Variants in ZNF423 observed in about 807,000 individuals in gnomAD.
The protein encoded by ZNF423 is Ebf-associated zinc finger protein.
Under a neutral mutation model 95.8 loss-of-function variants are expected in ZNF423, and 12 were observed. The ratio of observed to expected loss-of-function variants is 0.13; its 90% CI spans 0.08 to 0.20. The LOEUF is 0.20. Among genes scored for constraint, ZNF423 ranks in the 10% least tolerant of loss-of-function variants. The pLI, the probability that ZNF423 is intolerant of heterozygous loss-of-function variation, is 1.00. For missense variants in ZNF423, 1,316 were observed against 1,737.1 expected (o/e 0.76, Z 4.31); for synonymous variants, 749 against 711.9 (o/e 1.05, Z -0.83).
At chr16:49,738,920 G>A (rs1051582810) in intron 2 of ZNF423, among the ~76,000 whole-genome samples, 3 of 152,084 alleles carry the variant, frequency 2.0e-5, no homozygotes, top group East Asian at 1.9e-4. Flanking sequence ...TCGGGACACT[G>A]GGGTAGAGGA....
chr16:49,492,138 G>C lies in ZNF423; in HGVS notation c.3850-834C>G, dbSNP rs1011526330. Reference sequence around the variant, plus strand: ...CAGGAGCCAGCGGCCTGGGACTGGGGGTGGGATTTGGCATCTGAAAGCCGT... The same window carrying C: ...CAGGAGCCAGCGGCCTGGGACTGGGCGTGGGATTTGGCATCTGAAAGCCGT... On this transcript the variant is annotated intron_variant, in intron 7 of 7. Coordinates refer to ENST00000563137, the MANE Select transcript of ZNF423 (RefSeq NM_001379286.1). This position sits in a 1 kb window ranked among gnomAD's most constrained non-coding sequence, Gnocchi z 4.2. Among the ~76,000 whole-genome samples the C allele has an allele frequency of 5.9e-5, 9 of 152,228 alleles. No homozygotes were observed. Among genetic ancestry groups the C allele is most frequent in the African/African-American group, 2.2e-4 (9 of 41,470 alleles).
At chr16:49,528,135 CG>C (rs1567445567) in intron 5 of ZNF423, among the ~76,000 whole-genome samples, 1 of 152,116 alleles carries the variant, frequency 6.6e-6, no homozygotes, top group African/African-American at 2.4e-5. Context: ...CTCTGCCGAG[CG>C]GGGGCCTTTA....
At chr16:49,537,682 G>A (rs567816061) in intron 5 of ZNF423, among the ~76,000 whole-genome samples, 2 of 152,124 alleles carry the variant, frequency 1.3e-5, no homozygotes, top group African/African-American at 2.4e-5. Context: ...CTGAGGTCAC[G>A]TCTTCCTCTC....
chr16:49,644,248 A>C (rs1447671123), intron 3 of ZNF423, among the ~76,000 whole-genome samples: 1 of 152,136 alleles, frequency 6.6e-6, no homozygotes. Flanking sequence ...GAGGCCCTAA[A>C]AAGAACACTA....
At chr16:49,620,533 GC>G (rs1449854135) in intron 5 of ZNF423, among the ~76,000 whole-genome samples, 1 of 152,156 alleles carries the variant, frequency 6.6e-6, no homozygotes, top group Non-Finnish European at 1.5e-5. Flanking sequence ...ACCGGGACAG[GC>G]CTGGCTCTGG....
chr16:49,692,486 G>A (rs547712971), intron 3 of ZNF423, among the ~76,000 whole-genome samples: 9 of 151,878 alleles, frequency 5.9e-5, no homozygotes, highest in South Asian at 2.1e-4. Flanking sequence ...AAGTCCGATC[G>A]GTGTTGGACC....
intron 2 of ZNF423, among the ~76,000 whole-genome samples, chr16:49,783,745 G>C (rs1359961121): frequency 2.0e-5 from 3 of 152,148 alleles, no homozygotes; most frequent in South Asian, 2.1e-4. Context: ...GCTGACGCTT[G>C]CAGATCACAA....
chr16:49,510,007 A>G (rs916943942), intron 7 of ZNF423, among the ~76,000 whole-genome samples: 1 of 152,144 alleles, frequency 6.6e-6, no homozygotes, highest in Non-Finnish European at 1.5e-5. Flanking sequence ...GCCTCTTACC[A>G]CCAGGGTTGC....
At chr16:49,701,402 C>G (rs183696421) in intron 3 of ZNF423, among the ~76,000 whole-genome samples, 1 of 151,970 alleles carries the variant, frequency 6.6e-6, no homozygotes, top group Non-Finnish European at 1.5e-5. Flanking sequence ...GAAACCAGTT[C>G]GCACGGGAGA....
intron 7 of ZNF423, among the ~76,000 whole-genome samples, chr16:49,523,135 A>C (rs1968465430): frequency 6.6e-6 from 1 of 152,006 alleles, no homozygotes; most frequent in Non-Finnish European, 1.5e-5. Context: ...CAGTCTCAGG[A>C]CCTCTGGTGA....
chr16:49,734,001 G>A (rs1053458301), intron 2 of ZNF423, among the ~76,000 whole-genome samples: 6 of 151,804 alleles, frequency 4.0e-5, no homozygotes, highest in African/African-American at 1.2e-4. Context: ...TGCCAGGATC[G>A]AATCTACACG....
At chr16:49,726,281 T>A (rs988189770) in intron 3 of ZNF423, among the ~76,000 whole-genome samples, 6 of 151,994 alleles carry the variant, frequency 3.9e-5, no homozygotes, top group Admixed American at 6.6e-5. Flanking sequence ...AATTGCAGTA[T>A]CTCTAAAAGG....
intron 3 of ZNF423, among the ~76,000 whole-genome samples, chr16:49,645,951 A>G (rs367798454): frequency 2.6e-5 from 4 of 152,224 alleles, no homozygotes; most frequent in African/African-American, 9.6e-5. Flanking sequence ...CTTCCCAGCC[A>G]TGCACAACTG....
At chr16:49,528,995 C>T (rs541969071) in intron 5 of ZNF423, among the ~76,000 whole-genome samples, 80 of 152,080 alleles carry the variant, frequency 5.3e-4, no homozygotes, top group Non-Finnish European at 9.1e-4. Flanking sequence ...TATATAAGAT[C>T]GCACAGTGCT....
intron 2 of ZNF423, among the ~76,000 whole-genome samples, chr16:49,749,992 G>T (rs1283825483): frequency 2.0e-5 from 3 of 152,220 alleles, no homozygotes; most frequent in Non-Finnish European, 4.4e-5. Context: ...CGTGCAGATG[G>T]AAAGGGCCAT....
At chr16:49,747,885 A>T (rs1226917436) in intron 2 of ZNF423, among the ~76,000 whole-genome samples, 1 of 152,236 alleles carries the variant, frequency 6.6e-6, no homozygotes, top group Non-Finnish European at 1.5e-5. Context: ...CTATTGCCCC[A>T]GCCCTGTGCT....
intron 2 of ZNF423, among the ~76,000 whole-genome samples, chr16:49,765,531 T>C (rs1199899262): frequency 7.6e-6 from 1 of 130,986 alleles, no homozygotes; most frequent in Non-Finnish European, 1.6e-5. Flanking sequence ...GGCAACATAG[T>C]GAGACCTCAT....
chr16:49,626,377 C>T, intron 4 of ZNF423, 123 bp from the exon 5 acceptor site: 1 of 773,630 alleles, frequency 1.3e-6, no homozygotes. Flanking sequence ...TCCTAGGTCT[C>T]CCCAGGCCAT....
intron 3 of ZNF423, among the ~76,000 whole-genome samples, chr16:49,727,451 G>C (rs2033053169): frequency 8.0e-6 from 1 of 125,598 alleles, no homozygotes; most frequent in South Asian, 2.4e-4. Flanking sequence ...CACTGTCCCA[G>C]ATTCTGAGGG....
Sources: allele counts gnomAD v4.1 joint callset (sites outside exome capture counted in the v4.1 genomes callset), GRCh38; gene constraint gnomAD v4.1.1; non-coding constraint Gnocchi (gnomAD v3.1); transcripts MANE v1.5; gene names NCBI Gene and HGNC (gene_info 2026-07-23, HGNC 2026-07-21).